Variants in TCF12 observed in about 807,000 individuals in gnomAD.
TCF12 encodes DNA-binding protein HTF4.
TCF12 carries 45 observed loss-of-function variants against 86.0 expected under a neutral mutation model. The ratio of observed to expected loss-of-function variants is 0.52; its 90% confidence interval spans 0.41 to 0.67. TCF12 has a LOEUF of 0.67. TCF12 is among the 30% of genes least tolerant of loss of function. TCF12 has a pLI of 0.00. For missense variants in TCF12, 881 were observed against 859.9 expected, an observed-to-expected ratio of 1.02 and a Z score of -0.31; for synonymous variants, 330 against 299.6, an observed-to-expected ratio of 1.10 and a Z score of -1.05.
chr15:57,049,261 A>G (rs2067450558), intron 3 of TCF12, among the ~76,000 whole-genome samples: 1 of 152,142 alleles, frequency 6.6e-6, no homozygotes, highest in Admixed American at 6.5e-5. Flanking sequence ...CCTTCAACTC[A>G]TAGGTTGAGC....
In TCF12 at chr15:57,197,786, A is replaced by G. The variant is rs531495886; in HGVS notation, c.540A>G (p.Ala180=). 2 of 1,613,522 alleles carry G rather than the reference A, an allele frequency of 1.2e-6. No homozygotes were observed. The highest frequency in any genetic ancestry group is 2.2e-5 in the East Asian group (1 of 44,836). ...HDSAALDPLQ[A]KKVRKVPPGL... is the part of the protein sequence containing the mutation. Reference sequence around the variant, plus strand: ...TTCCATCTGCAGATCCCTTGCAAGCAAAAAAAGTCAGAAAGGTGCCTCCTG... The same window carrying G: ...TTCCATCTGCAGATCCCTTGCAAGCGAAAAAAGTCAGAAAGGTGCCTCCTG... Residue 180 remains alanine, a synonymous_variant, in exon 8 of 21, where the codon GCA becomes GCG. Coordinates refer to ENST00000333725, the MANE Select transcript of TCF12 (RefSeq NM_207037.2).
chr15:57,228,914 C>T (rs1208201235), intron 8 of TCF12, among the ~76,000 whole-genome samples: 4 of 151,536 alleles, frequency 2.6e-5, no homozygotes, highest in African/African-American at 7.2e-5. Flanking sequence ...GAGAGACTGA[C>T]TTACTGTTTC....
intron 7 of TCF12, among the ~76,000 whole-genome samples, chr15:57,196,545 C>G (rs1597235136): frequency 1.3e-5 from 2 of 152,238 alleles, no homozygotes; most frequent in South Asian, 4.1e-4. Flanking sequence ...ATAATGAGCC[C>G]CTCAGAAAAT....
chr15:57,219,305 C>T, intron 8 of TCF12: 1 of 1,226,956 alleles, frequency 8.2e-7, no homozygotes, highest in Non-Finnish European at 1.0e-6. Flanking sequence ...TCCACCAATG[C>T]AAGGACTTGA....
chr15:57,029,667 C>A (rs2066027819), intron 3 of TCF12, among the ~76,000 whole-genome samples: 1 of 152,164 alleles, frequency 6.6e-6, no homozygotes, highest in African/African-American at 2.4e-5. Flanking sequence ...CTGTGTAACG[C>A]ATACCACGGT....
chr15:57,014,749 T>C (rs535275319), intron 3 of TCF12, among the ~76,000 whole-genome samples: 2 of 152,246 alleles, frequency 1.3e-5, no homozygotes, highest in East Asian at 3.9e-4. Context: ...GGGTTGACAG[T>C]CAGGTCAGAA....
intron 5 of TCF12, among the ~76,000 whole-genome samples, chr15:57,095,044 T>G (rs2151135720): frequency 6.6e-6 from 1 of 152,382 alleles, no homozygotes; most frequent in East Asian, 1.9e-4. Context: ...TGTTTTATGC[T>G]GAATCAGTTA....
rs2585095 is a variant in TCF12 at position 57,083,120 on chromosome 15, G to A, written c.223-8669G>A. 8.4e-3 allele frequency among the ~76,000 whole-genome samples: 1,284 copies of A among 152,190 alleles called. 26 individuals carry two copies. Among genetic ancestry groups the A allele is most frequent in the African/African-American group, 0.029 (1,216 of 41,524 alleles). ...ATTTAGATAATAATATGTAATGAAA[G>A]TATTAAGTAATGTGTGAAAATGATA... On this transcript the variant is annotated intron_variant, in intron 4 of 20. Transcript: ENST00000333725.
chr15:56,926,312 C>A (rs377263390), intron 3 of TCF12, among the ~76,000 whole-genome samples: 1,051 of 126,554 alleles, frequency 8.3e-3, no homozygotes, highest in African/African-American at 7.8e-3. Flanking sequence ...GACTCTGTCT[C>A]AAAAAAAAAA....
chr15:57,208,164 C>A lies in TCF12; in HGVS notation c.579+10339C>A, dbSNP rs188628788. 7.6e-3 allele frequency among the ~76,000 whole-genome samples: 1,143 copies of A among 151,306 alleles called. 30 individuals carry two copies. Among genetic ancestry groups the A allele is most frequent in the Non-Finnish European group, 5.8e-3 (392 of 67,866 alleles). Reference sequence around the variant, plus strand: ...ATCTCTGCCTCAGCCTCCTGAGTAGCTGGGATTGCAGGCATCTGCCACCAC... The same window carrying A: ...ATCTCTGCCTCAGCCTCCTGAGTAGATGGGATTGCAGGCATCTGCCACCAC... On this transcript the variant is annotated intron_variant, in intron 8 of 20. Transcript: ENST00000333725.
chr15:57,110,547 T>C (rs1451644757), intron 5 of TCF12, among the ~76,000 whole-genome samples: 3 of 152,220 alleles, frequency 2.0e-5, no homozygotes, highest in Non-Finnish European at 2.9e-5. Context: ...CTTTTATGAA[T>C]TTGGTTGAAA....
At chr15:57,186,125 G>A (rs773538584) in intron 6 of TCF12, among the ~76,000 whole-genome samples, 13 of 152,112 alleles carry the variant, frequency 8.5e-5, no homozygotes, top group Non-Finnish European at 1.9e-4. Flanking sequence ...TACCAAAACT[G>A]GCTTAAGAAG....
intron 3 of TCF12, among the ~76,000 whole-genome samples, chr15:56,937,776 A>G (rs900736302): frequency 6.6e-6 from 1 of 151,866 alleles, no homozygotes; most frequent in Non-Finnish European, 1.5e-5. Context: ...ATTTTGTCAG[A>G]TGCTTTTTCC....
intron 14 of TCF12, 39 bp from the exon 15 acceptor site, chr15:57,252,382 A>G (rs201995975): frequency 2.8e-5 from 44 of 1,545,870 alleles, no homozygotes; most frequent in Non-Finnish European, 1.8e-6. Flanking sequence ...GTTAATCTTA[A>G]CCTGTGCTTT....
chr15:57,114,644 G>A (rs1299809617), intron 5 of TCF12, among the ~76,000 whole-genome samples: 17 of 152,140 alleles, frequency 1.1e-4, no homozygotes, highest in African/African-American at 3.6e-4. Context: ...AGGTAGTAGC[G>A]GGACAGGTAG....
At chr15:57,274,569 C>T (rs1189529333) in intron 19 of TCF12, among the ~76,000 whole-genome samples, 1 of 152,186 alleles carries the variant, frequency 6.6e-6, no homozygotes, top group Non-Finnish European at 1.5e-5. Flanking sequence ...ACTGATACCT[C>T]CTGTCACTTT....
intron 4 of TCF12, among the ~76,000 whole-genome samples, chr15:57,074,938 T>G (rs2069754882): frequency 6.6e-6 from 1 of 152,214 alleles, no homozygotes; most frequent in South Asian, 2.1e-4. Context: ...TAGATTTTTG[T>G]GTCATGTATT....
At chr15:56,961,474 C>G (rs149579607) in intron 3 of TCF12, among the ~76,000 whole-genome samples, 2 of 152,086 alleles carry the variant, frequency 1.3e-5, no homozygotes, top group Non-Finnish European at 2.9e-5. Context: ...TATAAGCAAC[C>G]GCAAAACGAT....
intron 4 of TCF12, among the ~76,000 whole-genome samples, chr15:57,090,629 A>G (rs1441626858): frequency 6.6e-6 from 1 of 152,190 alleles, no homozygotes; most frequent in Non-Finnish European, 1.5e-5. Context: ...TTTCAGCCAC[A>G]TTAATGTCCT....
Sources: allele counts gnomAD v4.1 joint callset (sites outside exome capture counted in the v4.1 genomes callset), GRCh38; gene constraint gnomAD v4.1.1; transcripts MANE v1.5; gene names NCBI Gene and HGNC (gene_info 2026-07-23, HGNC 2026-07-21).